The following KCNH8 variants were observed in gnomAD, a reference collection of about 807,000 sequenced individuals.
The protein encoded by KCNH8 is potassium voltage-gated channel subfamily H member 8.
Under a neutral mutation model 103.6 loss-of-function variants are expected in KCNH8, and 70 were observed. That is an observed-to-expected ratio of 0.68 (90% confidence interval 0.56 to 0.82). The LOEUF (loss-of-function observed/expected upper bound fraction) is 0.82, where lower values mean the gene tolerates loss of function less well. Ranked by LOEUF, KCNH8 falls within the 40% of genes least tolerant of loss-of-function variation. KCNH8 has a pLI of 0.00. For missense variants in KCNH8, 1,217 were observed against 1,329.9 expected (o/e 0.92, Z 1.32); for synonymous variants, 498 against 489.4 (o/e 1.02, Z -0.23).
intron 5 of KCNH8, among the ~76,000 whole-genome samples, chr3:19,355,242 A>G (rs1430866246): frequency 2.0e-5 from 3 of 152,092 alleles, no homozygotes; most frequent in Non-Finnish European, 4.4e-5. Flanking sequence ...AACAGGTGCT[A>G]GAGAGGATGT....
chr3:19,515,620 T>A (rs1199099285), intron 14 of KCNH8, among the ~76,000 whole-genome samples, 192 bp downstream of exon 14: 2 of 152,012 alleles, frequency 1.3e-5, no homozygotes, highest in Admixed American at 1.3e-4. Flanking sequence ...TTTGTGATCA[T>A]TTCTCTGTCC....
intron 7 of KCNH8, among the ~76,000 whole-genome samples, chr3:19,429,162 CTTTTTTTT>C (rs575154927): frequency 1.3e-4 from 12 of 89,854 alleles, no homozygotes; most frequent in Admixed American, 2.7e-4. Flanking sequence ...AGAATCCACT[CTTTTTTTT>C]TTTTTTTTTT....
chr3:19,451,405 G>C lies in KCNH8; in HGVS notation c.1825+1G>C. 1 of 1,613,160 alleles carries C rather than the reference G, an allele frequency of 6.2e-7. No homozygotes were observed. The highest frequency in any genetic ancestry group is 1.1e-5 in the South Asian group (1 of 91,000). On this transcript the variant is annotated splice_donor_variant, in intron 10 of 15. Transcript: ENST00000328405. LOFTEE classifies it high-confidence loss of function. ...GACAGCATGGTGCTGGCTATTCTTG[G>C]TAGGTCTGAATTGAAAAACTTGTAT...
At chr3:19,287,009 A>G (rs1352299451) in intron 3 of KCNH8, among the ~76,000 whole-genome samples, 1 of 152,100 alleles carries the variant, frequency 6.6e-6, no homozygotes, top group Non-Finnish European at 1.5e-5. Context: ...GTTTCTATTC[A>G]TGTCTTATAG....
rs113910860 is a variant in KCNH8, at chr3:19,190,752, G to C, written c.76+41957G>C. On this transcript the variant is annotated intron_variant, in intron 1 of 15. Coordinates refer to ENST00000328405, the MANE Select transcript of KCNH8 (RefSeq NM_144633.3). ...TAAGTTTGCTTTCACAATGTGTAATGGATGGTAGAGTTTAGGACTGTGCGC... is the reference window on the plus strand; with the variant it reads ...TAAGTTTGCTTTCACAATGTGTAATCGATGGTAGAGTTTAGGACTGTGCGC... Among the ~76,000 whole-genome samples the C allele has an allele frequency of 1.2e-3, 181 of 152,004 alleles. 2 individuals are homozygous for C. Among genetic ancestry groups the C allele is most frequent in the African/African-American group, 3.7e-3 (154 of 41,518 alleles).
At chr3:19,512,697 C>T (rs1348670243) in intron 12 of KCNH8, among the ~76,000 whole-genome samples, 5 of 151,976 alleles carry the variant, frequency 3.3e-5, no homozygotes, top group African/African-American at 4.8e-5. Flanking sequence ...TTTCACGTGG[C>T]TCCCCATGAA....
chr3:19,260,925 C>A (rs2064425799), intron 2 of KCNH8, among the ~76,000 whole-genome samples: 2 of 148,016 alleles, frequency 1.4e-5, no homozygotes, highest in African/African-American at 4.9e-5. Context: ...TATGTTGTGA[C>A]AAATGGCAGG....
intron 7 of KCNH8, among the ~76,000 whole-genome samples, chr3:19,423,175 G>A (rs2066976315): frequency 1.3e-5 from 2 of 151,978 alleles, no homozygotes; most frequent in Admixed American, 1.3e-4. Flanking sequence ...CAGACTGCAT[G>A]ACCCTAAGAT....
intron 2 of KCNH8, among the ~76,000 whole-genome samples, chr3:19,269,383 A>G (rs1380938801): frequency 3.3e-5 from 5 of 152,118 alleles, no homozygotes; most frequent in Non-Finnish European, 7.3e-5. Context: ...GAACTATACT[A>G]GGAGTGAAAC....
chr3:19,408,608 C>CAA (rs1045703104), intron 7 of KCNH8, among the ~76,000 whole-genome samples: 26 of 151,522 alleles, frequency 1.7e-4, no homozygotes, highest in Non-Finnish European at 2.4e-4. Context: ...AAAATCAACA[C>CAA]AAAAAAAATT....
At chr3:19,240,527 G>A (rs1331205932) in intron 1 of KCNH8, among the ~76,000 whole-genome samples, 2 of 151,310 alleles carry the variant, frequency 1.3e-5, no homozygotes, top group Non-Finnish European at 2.9e-5. Context: ...CAGGAGAATC[G>A]CTTGAACCTG....
chr3:19,255,457 C>T (rs538969793), intron 2 of KCNH8, among the ~76,000 whole-genome samples: 2 of 152,098 alleles, frequency 1.3e-5, no homozygotes, highest in Non-Finnish European at 2.9e-5. Flanking sequence ...ACCCTGTATT[C>T]CTTTCTCTTG....
chr3:19,291,093 C>T (rs938436003), intron 3 of KCNH8, among the ~76,000 whole-genome samples: 1 of 151,984 alleles, frequency 6.6e-6, no homozygotes, highest in African/African-American at 2.4e-5. Context: ...GGTGATATCC[C>T]CTTTATCATT....
At chr3:19,432,109 A>C (rs1371001295) in intron 7 of KCNH8, among the ~76,000 whole-genome samples, 1 of 152,160 alleles carries the variant, frequency 6.6e-6, no homozygotes, top group East Asian at 1.9e-4. Context: ...TGAACTCTTT[A>C]ACAGGTTATT....
chr3:19,425,142 C>G (rs555003981), intron 7 of KCNH8, among the ~76,000 whole-genome samples: 2 of 152,092 alleles, frequency 1.3e-5, no homozygotes, highest in Admixed American at 1.3e-4. Context: ...CATGACTTCC[C>G]GTTCTGTACC....
At chr3:19,269,005 T>G (rs2064551968) in intron 2 of KCNH8, among the ~76,000 whole-genome samples, 1 of 152,136 alleles carries the variant, frequency 6.6e-6, no homozygotes, top group Non-Finnish European at 1.5e-5. Flanking sequence ...CTAATCTGAC[T>G]TTTTATACTT....
chr3:19,291,815 C>T (rs1017400018), intron 3 of KCNH8, among the ~76,000 whole-genome samples: 2 of 152,076 alleles, frequency 1.3e-5, no homozygotes, highest in Non-Finnish European at 2.9e-5. Flanking sequence ...CTTTCTGTCT[C>T]GTTGATTCTG....
intron 1 of KCNH8, among the ~76,000 whole-genome samples, chr3:19,155,266 A>G (rs1192818383): frequency 6.6e-6 from 1 of 152,170 alleles, no homozygotes. Flanking sequence ...TTGACTGCCT[A>G]CACATCTAAT....
intron 2 of KCNH8, among the ~76,000 whole-genome samples, chr3:19,260,190 T>C (rs1213764852): frequency 6.6e-6 from 1 of 151,610 alleles, no homozygotes; most frequent in Non-Finnish European, 1.5e-5. Flanking sequence ...AATATGTACA[T>C]ATTCAAATGT....
Sources: gnomAD v4.1 joint callset for allele counts (sites outside exome capture counted in the v4.1 genomes callset) on GRCh38, gnomAD v4.1.1 for gene constraint, MANE v1.5 for transcripts, NCBI Gene and HGNC (gene_info 2026-07-23, HGNC 2026-07-21) for gene names.